BNC2: variants seen among roughly 807,000 people sequenced by gnomAD.
BNC2 encodes the protein zinc finger protein basonuclin-2.
Under a neutral mutation model 76.3 loss-of-function variants are expected in BNC2, and 20 were observed. That is an observed-to-expected ratio of 0.26 (90% CI 0.18 to 0.38). The LOEUF (loss-of-function observed/expected upper bound fraction) is 0.38. Ranked by LOEUF, BNC2 falls within the 10% of genes least tolerant of loss-of-function variation. BNC2 has a pLI of 1.00. For synonymous variants in BNC2, 582 were observed against 514.8 expected (o/e 1.13, Z -1.77); for missense variants, 1,382 against 1,399.8 (o/e 0.99, Z 0.20).
chr9:16,668,812 G>C (rs575784466), intron 3 of BNC2, among the ~76,000 whole-genome samples: 5 of 152,096 alleles, frequency 3.3e-5, no homozygotes, highest in South Asian at 2.1e-4. Context: ...AATTTTTTTA[G>C]AGCTACAAAT....
At chr9:16,597,363 A>G (rs1284933726) in intron 3 of BNC2, among the ~76,000 whole-genome samples, 2 of 152,302 alleles carry the variant, frequency 1.3e-5, no homozygotes, top group South Asian at 2.1e-4. Context: ...AGAAACATTA[A>G]CACATTTACT....
At chr9:16,579,584 CTT>C (rs1174686949) in intron 4 of BNC2, among the ~76,000 whole-genome samples, 1 of 152,082 alleles carries the variant, frequency 6.6e-6, no homozygotes, top group African/African-American at 2.4e-5. Context: ...CCACACCCAG[CTT>C]TTAATTTTTT....
chr9:16,677,608 G>C (rs1232852402), intron 3 of BNC2, among the ~76,000 whole-genome samples: 2 of 59,282 alleles, frequency 3.4e-5, no homozygotes, highest in Non-Finnish European at 5.4e-5. Context: ...CACACACACA[G>C]TAGCAATATC....
chr9:16,441,171 G>A (rs978729777), intron 5 of BNC2, among the ~76,000 whole-genome samples: 2 of 152,164 alleles, frequency 1.3e-5, no homozygotes, highest in African/African-American at 4.8e-5. Flanking sequence ...AAGTGTGGTG[G>A]TCCGTGCCTA....
At chr9:16,788,479 G>A (rs762786758) in intron 1 of BNC2, among the ~76,000 whole-genome samples, 9 of 151,506 alleles carry the variant, frequency 5.9e-5, no homozygotes, top group Non-Finnish European at 1.3e-4. Flanking sequence ...CGTGAACCCA[G>A]GAGGCGGAGC....
Position 16,451,179 on chromosome 9 carries a change from C to A in BNC2, c.670-13655G>T, listed in dbSNP as rs139387564. Among the ~76,000 whole-genome samples the A allele has an allele frequency of 6.9e-3, 1,045 of 152,234 alleles. 10 individuals carry two copies. Among genetic ancestry groups the A allele is most frequent in the African/African-American group, 0.024 (978 of 41,532 alleles). On this transcript the variant is annotated intron_variant, in intron 5 of 6. Coordinates refer to ENST00000380672, the MANE Select transcript of BNC2 (RefSeq NM_017637.6). ...GGGAGACAATTAAGAGAGATAAACT[C>A]ATGGTGCCACCTCAAAGAAGGTAAG...
At chr9:16,575,795 G>A (rs528561898) in intron 4 of BNC2, among the ~76,000 whole-genome samples, 6 of 152,300 alleles carry the variant, frequency 3.9e-5, no homozygotes, top group African/African-American at 1.4e-4. Context: ...TGCTCATGGA[G>A]AGACCAGAAT....
intron 1 of BNC2, among the ~76,000 whole-genome samples, chr9:16,740,595 T>G (rs1416364843): frequency 6.6e-6 from 1 of 152,196 alleles, no homozygotes; most frequent in Non-Finnish European, 1.5e-5. Flanking sequence ...GATAAAACAT[T>G]CTTTGGAGAA....
At chr9:16,778,019 T>C (rs1826017547) in intron 1 of BNC2, among the ~76,000 whole-genome samples, 1 of 152,260 alleles carries the variant, frequency 6.6e-6, no homozygotes, top group Non-Finnish European at 1.5e-5. Context: ...TGTATGTAGA[T>C]GTGTATAGAA....
intron 3 of BNC2, among the ~76,000 whole-genome samples, chr9:16,636,305 C>T (rs1821323395): frequency 1.3e-5 from 2 of 152,032 alleles, no homozygotes; most frequent in East Asian, 1.9e-4. Flanking sequence ...TAGGTGAAGA[C>T]TTTCTTTTTT....
chr9:16,513,689 T>C (rs1822812491), intron 5 of BNC2, among the ~76,000 whole-genome samples: 1 of 152,266 alleles, frequency 6.6e-6, no homozygotes, highest in South Asian at 2.1e-4. Context: ...AGACTCTTCT[T>C]TGAAAGATGC....
chr9:16,584,649 T>C (rs1322132017), intron 3 of BNC2, among the ~76,000 whole-genome samples: 2 of 152,172 alleles, frequency 1.3e-5, no homozygotes, highest in Non-Finnish European at 2.9e-5. Context: ...CTTTGTTGTA[T>C]ATAGAAGTGA....
intron 5 of BNC2, among the ~76,000 whole-genome samples, chr9:16,468,419 T>C (rs775559551): frequency 7.3e-5 from 11 of 151,652 alleles, no homozygotes; most frequent in Non-Finnish European, 1.6e-4. Flanking sequence ...TTTTTTGAGA[T>C]GGAGTCTCGC....
intron 1 of BNC2, among the ~76,000 whole-genome samples, chr9:16,754,748 G>T (rs1301689942): frequency 6.6e-6 from 1 of 152,016 alleles, no homozygotes; most frequent in African/African-American, 2.4e-5. Context: ...AGTAGAGATG[G>T]GGTTTCACCA....
Position 16,409,954 on chromosome 9 carries a change from G to A in BNC2, c.*9035C>T, listed in dbSNP as rs1485931020. 1 of 152,340 alleles carries A rather than the reference G, an allele frequency of 6.6e-6. No individual in the cohort carries two copies. Among genetic ancestry groups the A allele is most frequent in the Non-Finnish European group, 1.5e-5 (1 of 68,028 alleles). The allele number at this position is 152,340 out of a possible 1,614,324, so 9.4% of individuals were successfully genotyped here. On this transcript the variant is annotated 3_prime_UTR_variant, in exon 7 of 7. Coordinates refer to ENST00000380672, the MANE Select transcript of BNC2 (RefSeq NM_017637.6). ...AAAAAGGAATAAACAGCTAAACTCT[G>A]GGAGAGGGAGAGGACATATCTTAGT...
At position 16,861,359 on chromosome 9, in the gene BNC2, T is replaced by A. The variant is rs1354508817; in HGVS notation, c.3+9287A>T. Among the ~76,000 whole-genome samples, 8 of 151,676 alleles carry A rather than the reference T, an allele frequency of 5.3e-5. No homozygotes were observed. In the East Asian group the frequency reaches 1.6e-3, roughly 29 times the overall value. On this transcript the variant is annotated intron_variant, in intron 1 of 6. Transcript: ENST00000380672. The stretch of plus-strand genomic sequence containing the variant: ...ACAGAACTAGAAAGACCCTGTCTCT[T>A]TAAAAATAAATAAATAAATAAAGAC...
At chr9:16,500,420 G>C (rs1001917307) in intron 5 of BNC2, among the ~76,000 whole-genome samples, 5 of 152,174 alleles carry the variant, frequency 3.3e-5, no homozygotes, top group African/African-American at 1.2e-4. Flanking sequence ...AAAGCTGATA[G>C]CAAGAACAAA....
chr9:16,507,858 C>T (rs1317366505), intron 5 of BNC2, among the ~76,000 whole-genome samples: 1 of 152,174 alleles, frequency 6.6e-6, no homozygotes, highest in Non-Finnish European at 1.5e-5. Flanking sequence ...TGAGAATATT[C>T]TCCCACTTGC....
At chr9:16,653,805 A>G (rs1395772135) in intron 3 of BNC2, among the ~76,000 whole-genome samples, 1 of 152,188 alleles carries the variant, frequency 6.6e-6, no homozygotes, top group Non-Finnish European at 1.5e-5. Context: ...CTGTGCCCTC[A>G]GTGTAAAACA....
Sources: gnomAD v4.1 joint callset for allele counts (sites outside exome capture counted in the v4.1 genomes callset) on GRCh38, gnomAD v4.1.1 for gene constraint, MANE v1.5 for transcripts, NCBI Gene and HGNC (gene_info 2026-07-23, HGNC 2026-07-21) for gene names.